The following TRAK2 variants were observed in gnomAD, a reference collection of about 807,000 sequenced individuals.
TRAK2 encodes the protein trafficking kinesin-binding protein 2.
In TRAK2, 81 loss-of-function variants were observed where a neutral mutation model predicts 104.6. The ratio of observed to expected loss-of-function variants is 0.77; its 90% CI spans 0.65 to 0.93. The LOEUF is 0.93. TRAK2 is among the 40% of genes least tolerant of loss of function. The pLI is 0.00. For missense variants in TRAK2, 1,002 were observed against 1,089.0 expected, an observed-to-expected ratio of 0.92 and a Z score of 1.12; for synonymous variants, 406 against 394.4, an observed-to-expected ratio of 1.03 and a Z score of -0.35.
chr2:201,420,593 A>C lies in TRAK2; in HGVS notation c.-86T>G. On this transcript the variant is annotated 5_prime_UTR_variant, in exon 2 of 16. It adds an upstream start codon to the 5' untranslated region. Coordinates refer to ENST00000332624, the MANE Select transcript of TRAK2 (RefSeq NM_015049.3). ...AATCCATCAAGCCATTCAATAATGA[A>C]ATGGATTTGGTCACATGGATATTTT... The C allele has an allele frequency of 8.8e-7, 1 of 1,132,590 alleles. No homozygotes were observed. The highest frequency in any genetic ancestry group is 1.3e-6 in the Non-Finnish European group (1 of 755,294). 70.2% of individuals were successfully genotyped at this position (1,132,590 alleles called of 1,614,324 possible).
At chr2:201,403,746 GAAAA>G (rs77118143) in intron 3 of TRAK2, among the ~76,000 whole-genome samples, 2 of 92,524 alleles carry the variant, frequency 2.2e-5, no homozygotes, top group African/African-American at 4.0e-5. Context: ...TTTCCAAACA[GAAAA>G]AAAAAAAAAA....
chr2:201,445,972 T>C (rs1951961235), intron 1 of TRAK2, among the ~76,000 whole-genome samples: 1 of 152,142 alleles, frequency 6.6e-6, no homozygotes, highest in South Asian at 2.1e-4. Flanking sequence ...ATAAACTAGG[T>C]GAATGGAAAT....
At chr2:201,435,313 C>T (rs1951873330) in intron 1 of TRAK2, among the ~76,000 whole-genome samples, 1 of 152,192 alleles carries the variant, frequency 6.6e-6, no homozygotes, top group African/African-American at 2.4e-5. Flanking sequence ...CTGCCTTGGC[C>T]TCCCAAAGTG....
intron 2 of TRAK2, among the ~76,000 whole-genome samples, chr2:201,415,128 C>T (rs144997393): frequency 1.1e-3 from 172 of 151,842 alleles, no homozygotes; most frequent in Middle Eastern, 3.4e-3. Flanking sequence ...TCATGCCTAC[C>T]GGTAAGATAA....
chr2:201,380,871 C>G lies in TRAK2; in HGVS notation c.2417G>C (p.Arg806Pro). The G allele has an allele frequency of 6.2e-7, 1 of 1,613,788 alleles. No homozygotes were observed. The highest frequency in any genetic ancestry group is 1.1e-5 in the South Asian group (1 of 91,042). Residue 806 changes from arginine (R) to proline (P), a missense_variant, in exon 16 of 16, where the codon CGA becomes CCA. By Grantham distance (103) the Arg-to-Pro change is moderately radical. Transcript: ENST00000332624. ...CTCCTGGAGGAATGTCTCAGCTGGT[C>G]GAGAGGCCAAAAAATTTTCAGAGAG... The part of the protein sequence containing the change: ...VHLSENFLAS[R>P]PAETFLQEMY...
At chr2:201,449,374 A>G (rs1162463363) in intron 1 of TRAK2, among the ~76,000 whole-genome samples, 1 of 152,104 alleles carries the variant, frequency 6.6e-6, no homozygotes, top group Non-Finnish European at 1.5e-5. Flanking sequence ...CAAGTCTTTG[A>G]GCCTCAGATT....
intron 10 of TRAK2, among the ~76,000 whole-genome samples, chr2:201,390,205 C>T (rs537693090): frequency 1.3e-5 from 2 of 151,976 alleles, no homozygotes; most frequent in South Asian, 4.2e-4. Flanking sequence ...TGGTATTTAA[C>T]AATTTTTTTT....
intron 15 of TRAK2, among the ~76,000 whole-genome samples, chr2:201,381,587 G>C (rs183537699): frequency 1.0e-3 from 155 of 152,214 alleles, no homozygotes; most frequent in Middle Eastern, 3.4e-3. Context: ...GAAGATTAAG[G>C]AAAGTAATTT....
Position 201,379,229 on chromosome 2 carries a change from A to G in TRAK2, c.*1314T>C, listed in dbSNP as rs1951315846. 6.6e-6 allele frequency: 1 copy of G among 152,052 alleles called. No individual in the cohort carries two copies. Among genetic ancestry groups the G allele is most frequent in the African/African-American group, 2.4e-5 (1 of 41,398 alleles). The allele number at this position is 152,052 out of a possible 1,614,324, so 9.4% of individuals were successfully genotyped here. A position where few individuals can be genotyped will look rare whatever the true frequency, so the allele number is the denominator to read the frequency against. ...AGAAAAAACAGATCTACTTCTTTCC[A>G]TTTCTTAGCCTGTGTCAACTGCTGA... On this transcript the variant is annotated 3_prime_UTR_variant, in exon 16 of 16. Coordinates refer to ENST00000332624, the MANE Select transcript of TRAK2 (RefSeq NM_015049.3).
At chr2:201,435,519 T>G (rs56044241) in intron 1 of TRAK2, among the ~76,000 whole-genome samples, 9,884 of 152,322 alleles carry the variant, frequency 0.065, 677 homozygotes, top group East Asian at 0.26. Flanking sequence ...CTTTTCAAGA[T>G]AGGCTTTCTT....
intron 1 of TRAK2, among the ~76,000 whole-genome samples, chr2:201,437,556 C>T (rs1951888241): frequency 6.6e-6 from 1 of 152,176 alleles, no homozygotes; most frequent in Admixed American, 6.5e-5. Context: ...GCTTCACTAA[C>T]TAGTTGATAT....
intron 1 of TRAK2, among the ~76,000 whole-genome samples, chr2:201,430,817 G>A (rs1045878236): frequency 4.6e-5 from 7 of 152,168 alleles, no homozygotes; most frequent in South Asian, 2.1e-4. Flanking sequence ...CTCACCCTCC[G>A]CGGGCTGCAC....
At chr2:201,446,259 A>G (rs887928498) in intron 1 of TRAK2, among the ~76,000 whole-genome samples, 2 of 152,122 alleles carry the variant, frequency 1.3e-5, no homozygotes, top group African/African-American at 2.4e-5. Flanking sequence ...AGCTTCCTAG[A>G]CACACCAGGA....
chr2:201,445,538 C>A (rs990618502), intron 1 of TRAK2, among the ~76,000 whole-genome samples: 1 of 152,126 alleles, frequency 6.6e-6, no homozygotes, highest in Non-Finnish European at 1.5e-5. Context: ...ATGAGTGTTA[C>A]AACAGAATTG....
chr2:201,407,605 GGA>G lies in TRAK2; in HGVS notation c.92-10_92-9del, dbSNP rs756792124. The G allele has an allele frequency of 6.2e-7, 1 of 1,607,000 alleles. No individual in the cohort carries two copies. Among genetic ancestry groups the G allele is most frequent in the South Asian group, 1.1e-5 (1 of 89,920 alleles). On this transcript the variant is annotated splice_polypyrimidine_tract_variant and intron_variant, in intron 2 of 15. Coordinates refer to ENST00000332624, the MANE Select transcript of TRAK2 (RefSeq NM_015049.3). Reference sequence around the variant, plus strand: ...CCTCATTGGAGCAGACATCTAAAGAGGAGAGTCTATGTAAATGAATCCAATAT... The same window carrying G: ...CCTCATTGGAGCAGACATCTAAAGAGGAGTCTATGTAAATGAATCCAATAT...
chr2:201,410,984 T>A, intron 2 of TRAK2: 15 of 1,502,518 alleles, frequency 1.0e-5, no homozygotes, highest in Non-Finnish European at 1.4e-5. Flanking sequence ...GCATGTTGAA[T>A]CCTGAAGTCT....
chr2:201,416,609 T>C (rs920788225), intron 2 of TRAK2, among the ~76,000 whole-genome samples: 3 of 152,114 alleles, frequency 2.0e-5, no homozygotes, highest in African/African-American at 7.2e-5. Flanking sequence ...AATTCATAAT[T>C]AGCAATTTAA....
At position 201,380,420 on chromosome 2, in the gene TRAK2, C is replaced by T; in HGVS notation, c.*123G>A. On this transcript the variant is annotated 3_prime_UTR_variant, in exon 16 of 16. Transcript: ENST00000332624. Reference sequence around the variant, plus strand: ...TTTTATTTCCATTCCTCCATTCCCCCTTTCACATTCACAACCCTTGTGCAA... The same window carrying T: ...TTTTATTTCCATTCCTCCATTCCCCTTTTCACATTCACAACCCTTGTGCAA... 1.9e-6 allele frequency: 2 copies of T among 1,031,312 alleles called. No homozygotes were observed. The highest frequency in any genetic ancestry group is 2.8e-6 in the Non-Finnish European group (2 of 713,420). 63.9% of individuals were successfully genotyped at this position (1,031,312 alleles called of 1,614,324 possible).
rs1951304751 is a variant in TRAK2 at position 201,378,075 on chromosome 2, A to C, written c.*2468T>G. 6.6e-6 allele frequency: 1 copy of C among 152,172 alleles called. No individual in the cohort carries two copies. The highest frequency in any genetic ancestry group is 1.5e-5 in the Non-Finnish European group (1 of 68,014). 9.4% of individuals were successfully genotyped at this position (152,172 alleles called of 1,614,324 possible). A position where few individuals can be genotyped will look rare whatever the true frequency, so the allele number is the denominator to read the frequency against. On this transcript the variant is annotated 3_prime_UTR_variant, in exon 16 of 16. Coordinates refer to ENST00000332624, the MANE Select transcript of TRAK2 (RefSeq NM_015049.3). ...TATAGAGATTATCAGGATATACCAA[A>C]AATGATTTTAGGTAGAAACTTCAAA... is the stretch of plus-strand genomic sequence containing the variant.
Sources: allele counts gnomAD v4.1 joint callset (sites outside exome capture counted in the v4.1 genomes callset), GRCh38; gene constraint gnomAD v4.1.1; transcripts MANE v1.5; gene names NCBI Gene and HGNC (gene_info 2026-07-23, HGNC 2026-07-21).